The following SCN8A variants were observed in gnomAD, a reference collection of about 807,000 sequenced individuals.
The protein encoded by SCN8A is sodium voltage-gated channel alpha subunit 8, also known as sodium channel protein type 8 subunit alpha.
Under a neutral mutation model 184.1 loss-of-function variants are expected in SCN8A, and 30 were observed. The ratio of observed to expected loss-of-function variants is 0.16; its 90% CI spans 0.12 to 0.22. The LOEUF is 0.22. Ranked by LOEUF, SCN8A falls within the 10% of genes least tolerant of loss-of-function variation. The pLI, the probability that SCN8A is intolerant of heterozygous loss-of-function variation, is 1.00. For synonymous variants in SCN8A, 852 were observed against 907.0 expected, an observed-to-expected ratio of 0.94 and a Z score of 1.09; for missense variants, 1,057 against 2,498.9, an observed-to-expected ratio of 0.42 and a Z score of 12.30.
intron 14 of SCN8A, among the ~76,000 whole-genome samples, chr12:51,762,012 T>C (rs1942769914): frequency 1.3e-5 from 2 of 152,312 alleles, no homozygotes; most frequent in South Asian, 4.1e-4. Context: ...TTATTTCCTA[T>C]ATTTTGCACA....
At chr12:51,607,473 A>G (rs1441027350) in intron 1 of SCN8A, among the ~76,000 whole-genome samples, 1 of 152,180 alleles carries the variant, frequency 6.6e-6, no homozygotes, top group Non-Finnish European at 1.5e-5. Context: ...GTTGAAGACA[A>G]GTGGTGAGAG....
intron 9 of SCN8A, among the ~76,000 whole-genome samples, chr12:51,703,454 A>T (rs562521404): frequency 2.6e-5 from 4 of 152,288 alleles, no homozygotes; most frequent in Admixed American, 6.5e-5. Context: ...CTGTTTAAGA[A>T]AAATTAAACA....
intron 1 of SCN8A, among the ~76,000 whole-genome samples, chr12:51,593,186 G>T (rs887299004): frequency 2.6e-5 from 4 of 152,172 alleles, no homozygotes; most frequent in Admixed American, 1.3e-4. Context: ...GTGAGGTGGT[G>T]GTTGTGGGTA....
intron 2 of SCN8A, among the ~76,000 whole-genome samples, chr12:51,677,314 C>G (rs981478429): frequency 6.6e-6 from 1 of 151,972 alleles, no homozygotes; most frequent in African/African-American, 2.4e-5. Flanking sequence ...TCTCGAACTC[C>G]TGGGCTCAAG....
intron 11 of SCN8A, among the ~76,000 whole-genome samples, chr12:51,716,960 C>T (rs1162378683): frequency 6.6e-6 from 1 of 152,204 alleles, no homozygotes; most frequent in Non-Finnish European, 1.5e-5. Context: ...TAGTTACCAC[C>T]TCTGTAGGCC....
chr12:51,774,901 T>A (rs1213434349), intron 20 of SCN8A, among the ~76,000 whole-genome samples: 2 of 152,190 alleles, frequency 1.3e-5, no homozygotes, highest in Non-Finnish European at 2.9e-5. Flanking sequence ...AAATACCCCC[T>A]TCTTCCCACA....
At position 51,765,754 on chromosome 12, in the gene SCN8A, C is replaced by G. The variant is rs1466016560; in HGVS notation, c.2628C>G (p.Gly876=). 6 of 1,613,638 alleles carry G rather than the reference C, an allele frequency of 3.7e-6. No individual in the cohort carries two copies. The African/African-American group carries it at 5.3e-5, about 14-fold the overall frequency. Residue 876 remains glycine, a synonymous_variant, in exon 16 of 27, where the codon GGC becomes GGG. Coordinates refer to ENST00000627620, the MANE Select transcript of SCN8A (RefSeq NM_001330260.2). ...TTGGAAATTCAGTGGGTGCCCTGGG[C>G]AACCTGACACTGGTGCTGGCCATTA... ...KIIGNSVGAL[G]NLTLVLAIIV...
intron 11 of SCN8A, among the ~76,000 whole-genome samples, chr12:51,720,283 G>T (rs1942031918): frequency 6.7e-6 from 1 of 150,004 alleles, no homozygotes; most frequent in Non-Finnish European, 1.5e-5. Flanking sequence ...GCCATAAAAA[G>T]GATGAGTTCA....
At chr12:51,655,198 C>CT (rs772099309) in intron 1 of SCN8A, among the ~76,000 whole-genome samples, 2 of 152,168 alleles carry the variant, frequency 1.3e-5, no homozygotes, top group Non-Finnish European at 2.9e-5. Flanking sequence ...GCATGAGCTA[C>CT]TGCACCTGGC....
chr12:51,805,870 C>T (rs1938686377), intron 26 of SCN8A, among the ~76,000 whole-genome samples: 1 of 151,716 alleles, frequency 6.6e-6, no homozygotes, highest in Non-Finnish European at 1.5e-5. Context: ...GGTCTTTCAC[C>T]AAGGCTGGAG....
intron 1 of SCN8A, among the ~76,000 whole-genome samples, chr12:51,617,288 T>TC (rs1435021964): frequency 6.6e-6 from 1 of 152,184 alleles, no homozygotes; most frequent in Admixed American, 6.5e-5. Flanking sequence ...GTGCTTTTTT[T>TC]CCTTCGTTTC....
At chr12:51,761,461 AT>A in intron 14 of SCN8A, among the ~76,000 whole-genome samples, 1 of 149,162 alleles carries the variant, frequency 6.7e-6, no homozygotes, top group Non-Finnish European at 1.5e-5. Flanking sequence ...TTATTTATTT[AT>A]TTATTATTAT....
At position 51,807,324 on chromosome 12, in the gene SCN8A, C is replaced by T. The variant is rs764343704; in HGVS notation, c.5838C>T (p.Ser1946=). 2 of 1,613,738 alleles carry T rather than the reference C, an allele frequency of 1.2e-6. No individual in the cohort carries two copies. The highest frequency in any genetic ancestry group is 8.5e-7 in the Non-Finnish European group (1 of 1,179,832). Residue 1946 remains serine, a synonymous_variant, in exon 27 of 27, where the codon TCC becomes TCT. Transcript: ENST00000627620. The surrounding 1 kb of genome is among the most constrained non-coding windows in gnomAD (Gnocchi z 4.5). The stretch of plus-strand genomic sequence containing the variant: ...CCCCATCTACAGCCTCCCTCCCGTC[C>T]TATGACAGTGTAACTAAACCTGAAA... ...ESTPSTASLP[S]YDSVTKPEKE...
intron 26 of SCN8A, among the ~76,000 whole-genome samples, chr12:51,796,972 C>T (rs1938429238): frequency 1.3e-5 from 2 of 152,142 alleles, no homozygotes; most frequent in African/African-American, 4.8e-5. Flanking sequence ...GGTGGGCCTT[C>T]CTCTCCCAGT....
chr12:51,727,204 GAACAAACTTGT>G (rs1484255144), intron 12 of SCN8A, among the ~76,000 whole-genome samples: 7 of 152,068 alleles, frequency 4.6e-5, no homozygotes, highest in Non-Finnish European at 8.8e-5. Context: ...AAGAGAAATG[GAACAAACTTGT>G]ACGGGGTTTA....
intron 12 of SCN8A, among the ~76,000 whole-genome samples, chr12:51,726,068 G>T (rs1429549530): frequency 1.3e-5 from 2 of 152,188 alleles, no homozygotes; most frequent in Non-Finnish European, 2.9e-5. Flanking sequence ...AAGAAAAAAA[G>T]ACATTCAGAC....
intron 12 of SCN8A, among the ~76,000 whole-genome samples, chr12:51,732,695 A>C (rs2138803286): frequency 6.6e-6 from 1 of 152,300 alleles, no homozygotes; most frequent in East Asian, 1.9e-4. Context: ...ACAATCCACG[A>C]ACATGGAATA....
At chr12:51,663,394 T>C (rs1172306997) in intron 2 of SCN8A, among the ~76,000 whole-genome samples, 1 of 152,228 alleles carries the variant, frequency 6.6e-6, no homozygotes, top group Non-Finnish European at 1.5e-5. Context: ...TAGTAAAAGA[T>C]AGTACAGCCT....
chr12:51,779,189 CAGCCTGAGCG>C (rs1937812401), intron 20 of SCN8A, among the ~76,000 whole-genome samples: 2 of 140,898 alleles, frequency 1.4e-5, no homozygotes, highest in Non-Finnish European at 3.0e-5. Context: ...CATTGCACTC[CAGCCTGAGCG>C]ACAGAGTGAG....
Sources: allele counts gnomAD v4.1 joint callset (sites outside exome capture counted in the v4.1 genomes callset), GRCh38; gene constraint gnomAD v4.1.1; non-coding constraint Gnocchi (gnomAD v3.1); transcripts MANE v1.5; gene names NCBI Gene and HGNC (gene_info 2026-07-23, HGNC 2026-07-21).